Variants in CAV2 observed in about 807,000 individuals in gnomAD.
CAV2 encodes caveolin 2, also known as caveolin-2.
A neutral mutation model predicts 15.5 loss-of-function variants in CAV2; 7 were observed. The observed-to-expected ratio is 0.45, with a 90% CI of 0.26 to 0.85. The LOEUF is 0.85. Among genes scored for constraint, CAV2 ranks in the 40% least tolerant of loss-of-function variants. The pLI is 0.18. For missense variants in CAV2, 229 were observed against 208.8 expected (o/e 1.10, Z -0.60); for synonymous variants, 76 against 83.1 (o/e 0.91, Z 0.46).
At chr7:116,500,164 C>G (rs867203582) in intron 1 of CAV2, 96 bp from the exon 2 acceptor site, 2 of 1,528,396 alleles carry the variant, frequency 1.3e-6, no homozygotes, top group African/African-American at 1.4e-5. Flanking sequence ...CGCCCTGGCA[C>G]GTCCTTCCCT....
rs1297088333 is a variant in CAV2, at chr7:116,499,776, G to C, written c.-6G>C. On this transcript the variant is annotated 5_prime_UTR_variant, in exon 1 of 3. Transcript: ENST00000222693. Reference sequence around the variant, plus strand: ...CGGGCTGCAGCGGCCGCGCACCAAGGCTGCGATGGGGCTGGAGACGGAGAA... The same window carrying C: ...CGGGCTGCAGCGGCCGCGCACCAAGCCTGCGATGGGGCTGGAGACGGAGAA... 6.5e-7 allele frequency: 1 copy of C among 1,547,588 alleles called. No homozygotes were observed. The highest frequency in any genetic ancestry group is 1.2e-5 in the South Asian group (1 of 83,396).
Position 116,508,478 on chromosome 7 carries a change from G to T in CAV2, c.*2357G>T, listed in dbSNP as rs1033898263. 6.6e-6 allele frequency: 1 copy of T among 151,878 alleles called. No individual in the cohort carries two copies. Among genetic ancestry groups the T allele is most frequent in the African/African-American group, 2.4e-5 (1 of 41,322 alleles). The allele number at this position is 151,878 out of a possible 1,614,324, so 9.4% of individuals were successfully genotyped here. A position where few individuals can be genotyped will look rare whatever the true frequency, so the allele number is the denominator to read the frequency against. On this transcript the variant is annotated 3_prime_UTR_variant, in exon 3 of 3. Transcript: ENST00000222693. ...ACAAACATGTTGTTTGTTTTATTTG[G>T]GGCTGGGGGAGGTATATGATGAGCA...
chr7:116,505,952 C>G lies in CAV2; in HGVS notation c.339-19C>G. The G allele has an allele frequency of 6.3e-7, 1 of 1,589,400 alleles. No individual in the cohort carries two copies. Among genetic ancestry groups the G allele is most frequent in the Non-Finnish European group, 8.6e-7 (1 of 1,158,956 alleles). ...GGTAACAGCAACAATCCTCACACAT[C>G]TCTCTTCCTTCCTTCCAGGATTTTA... On this transcript the variant is annotated intron_variant, in intron 2 of 2. Transcript: ENST00000222693.
chr7:116,500,187 G>A, intron 1 of CAV2, 73 bp from the exon 2 acceptor site: 2 of 1,561,948 alleles, frequency 1.3e-6, no homozygotes, highest in Non-Finnish European at 1.7e-6. Flanking sequence ...TGCTTCCCCC[G>A]CCCAAAGCGC....
chr7:116,504,787 A>G (rs556548094), intron 2 of CAV2, among the ~76,000 whole-genome samples: 9 of 152,350 alleles, frequency 5.9e-5, no homozygotes, highest in African/African-American at 1.7e-4. Context: ...CTATAAGGAT[A>G]TGCAGCTATG....
rs1394860681 is a variant in CAV2 at position 116,508,383 on chromosome 7, A to T, written c.*2262A>T. On this transcript the variant is annotated 3_prime_UTR_variant, in exon 3 of 3. Coordinates refer to ENST00000222693, the MANE Select transcript of CAV2 (RefSeq NM_001233.5). ...CTGGTTACTTTCAAAATGAATTTTTATTGAGATTTTCCATTAACTATTTTT... is the reference window on the plus strand; with the variant it reads ...CTGGTTACTTTCAAAATGAATTTTTTTTGAGATTTTCCATTAACTATTTTT... The T allele has an allele frequency of 6.6e-6, 1 of 152,128 alleles. No individual in the cohort carries two copies. The highest frequency in any genetic ancestry group is 1.5e-5 in the Non-Finnish European group (1 of 68,000). The allele number at this position is 152,128 out of a possible 1,614,324, so 9.4% of individuals were successfully genotyped here. A position where few individuals can be genotyped will look rare whatever the true frequency, so the allele number is the denominator to read the frequency against.
At position 116,499,982 on chromosome 7, in the gene CAV2, G is replaced by A. The variant is rs144669871; in HGVS notation, c.150+51G>A. 5.4e-4 allele frequency: 862 copies of A among 1,589,772 alleles called. 3 individuals are homozygous for A. The African/African-American group carries it at 0.01, about 19-fold the overall frequency. On this transcript the variant is annotated intron_variant, in intron 1 of 2. Transcript: ENST00000222693. The stretch of plus-strand genomic sequence containing the variant: ...AGTCCCCGCTGAGGCCGGGAGGTGC[G>A]GGCGCCCCTCAGCCCCGCCCTAACC...
At chr7:116,501,472 A>G (rs576011192) in intron 2 of CAV2, among the ~76,000 whole-genome samples, 56 of 152,194 alleles carry the variant, frequency 3.7e-4, no homozygotes, top group Non-Finnish European at 6.9e-4. Flanking sequence ...GAAGTTACCA[A>G]TTTATCCTTT....
chr7:116,507,963 A>T lies in CAV2; in HGVS notation c.*1842A>T, dbSNP rs1350132707. 6.6e-6 allele frequency: 1 copy of T among 152,230 alleles called. No individual in the cohort carries two copies. The highest frequency in any genetic ancestry group is 1.5e-5 in the Non-Finnish European group (1 of 68,036). 9.4% of individuals were successfully genotyped at this position (152,230 alleles called of 1,614,324 possible). A position where few individuals can be genotyped will look rare whatever the true frequency, so the allele number is the denominator to read the frequency against. On this transcript the variant is annotated 3_prime_UTR_variant, in exon 3 of 3. Transcript: ENST00000222693. Reference sequence around the variant, plus strand: ...TATTGGGGACCAAATCAAATGAATGATTAAATTATGAAGCTCATATCCTTT... The same window carrying T: ...TATTGGGGACCAAATCAAATGAATGTTTAAATTATGAAGCTCATATCCTTT...
rs1227311318 is a variant in CAV2 at position 116,508,234 on chromosome 7, T to A, written c.*2113T>A. On this transcript the variant is annotated 3_prime_UTR_variant, in exon 3 of 3. Transcript: ENST00000222693. ...TTGATTAATAAAATATCTATTTGAA[T>A]AAATTATGAGCTATCCTTTCAAACA... The A allele has an allele frequency of 6.6e-6, 1 of 152,246 alleles. No individual in the cohort carries two copies. The highest frequency in any genetic ancestry group is 1.5e-5 in the Non-Finnish European group (1 of 68,034). The allele number at this position is 152,246 out of a possible 1,614,324, so 9.4% of individuals were successfully genotyped here. A position where few individuals can be genotyped will look rare whatever the true frequency, so the allele number is the denominator to read the frequency against.
At chr7:116,504,054 AAGAAAG>A (rs1340256965) in intron 2 of CAV2, among the ~76,000 whole-genome samples, 3 of 30,386 alleles carry the variant, frequency 9.9e-5, no homozygotes, top group Non-Finnish European at 2.4e-4. Context: ...AAGAAAGAGA[AAGAAAG>A]AAAGAAGGAA....
Position 116,499,796 on chromosome 7 carries a change from G to T in CAV2, c.15G>T (p.Thr5=). Residue 5 remains threonine (T), a synonymous_variant, in exon 1 of 3, where the codon ACG becomes ACT. Transcript: ENST00000222693. MGLE[T]EKADVQLFMD... Reference sequence around the variant, plus strand: ...CCAAGGCTGCGATGGGGCTGGAGACGGAGAAGGCGGACGTACAGCTCTTCA... The same window carrying T: ...CCAAGGCTGCGATGGGGCTGGAGACTGAGAAGGCGGACGTACAGCTCTTCA... 2 of 1,578,166 alleles carry T rather than the reference G, an allele frequency of 1.3e-6. No individual in the cohort carries two copies. The highest frequency in any genetic ancestry group is 1.7e-6 in the Non-Finnish European group (2 of 1,164,492).
At chr7:116,504,221 G>A (rs1373528876) in intron 2 of CAV2, among the ~76,000 whole-genome samples, 2 of 152,060 alleles carry the variant, frequency 1.3e-5, no homozygotes, top group Non-Finnish European at 2.9e-5. Context: ...TATAATGACA[G>A]CATCATACAG....
intron 2 of CAV2, among the ~76,000 whole-genome samples, chr7:116,504,036 G>A (rs1386414830): frequency 1.7e-5 from 1 of 57,478 alleles, no homozygotes; most frequent in African/African-American, 5.8e-5. Flanking sequence ...GAAAGAGAAA[G>A]AAAAAGAAAG....
intron 1 of CAV2, 152 bp downstream of exon 1, chr7:116,500,083 G>A: frequency 8.2e-6 from 12 of 1,467,350 alleles, no homozygotes; most frequent in Non-Finnish European, 1.1e-5. Context: ...CCGTCACCAG[G>A]CCGCCCGCGT....
intron 2 of CAV2, among the ~76,000 whole-genome samples, chr7:116,505,492 C>T (rs191802858): frequency 2.8e-4 from 42 of 152,200 alleles, no homozygotes; most frequent in East Asian, 7.7e-4. Flanking sequence ...CACAGTTCTG[C>T]GGGCTGTACA....
intron 2 of CAV2, among the ~76,000 whole-genome samples, chr7:116,504,959 A>G (rs890648278): frequency 3.3e-5 from 5 of 152,248 alleles, no homozygotes; most frequent in Non-Finnish European, 2.9e-5. Flanking sequence ...ATAGTTAATA[A>G]CATAAGGCAT....
At chr7:116,505,326 GCCA>G (rs1793208626) in intron 2 of CAV2, among the ~76,000 whole-genome samples, 1 of 152,114 alleles carries the variant, frequency 6.6e-6, no homozygotes, top group South Asian at 2.1e-4. Flanking sequence ...CAGATAGCAT[GCCA>G]CCAGTAGAAA....
At chr7:116,499,983 G>A in intron 1 of CAV2, 52 bp downstream of exon 1, 1 of 1,588,790 alleles carries the variant, frequency 6.3e-7, no homozygotes, top group Non-Finnish European at 8.6e-7. Context: ...GGGAGGTGCG[G>A]GCGCCCCTCA....
Sources: gnomAD v4.1 joint callset for allele counts (sites outside exome capture counted in the v4.1 genomes callset) on GRCh38, gnomAD v4.1.1 for gene constraint, MANE v1.5 for transcripts, NCBI Gene and HGNC (gene_info 2026-07-23, HGNC 2026-07-21) for gene names.